TMC1: variants seen among roughly 807,000 people sequenced by gnomAD.
TMC1 encodes transmembrane channel like 1.
In TMC1, 84 loss-of-function variants were observed where a neutral mutation model predicts 105.8. The ratio of observed to expected loss-of-function variants is 0.79; its 90% CI spans 0.67 to 0.95. The LOEUF (loss-of-function observed/expected upper bound fraction) is 0.95, where lower values mean the gene tolerates loss of function less well. Ranked by LOEUF, TMC1 falls within the 40% of genes least tolerant of loss-of-function variation. The pLI is 0.00. For missense variants in TMC1, 817 were observed against 914.1 expected (o/e 0.89, Z 1.37); for synonymous variants, 315 against 311.5 (o/e 1.01, Z -0.12).
intron 8 of TMC1, among the ~76,000 whole-genome samples, chr9:72,708,746 T>TG (rs1316981714): frequency 7.9e-5 from 12 of 152,208 alleles, no homozygotes; most frequent in Admixed American, 7.2e-4. Context: ...CCAATCTGGA[T>TG]GCCCTTTATT....
At chr9:72,749,316 G>A (rs761009459) in intron 10 of TMC1, among the ~76,000 whole-genome samples, 2 of 152,136 alleles carry the variant, frequency 1.3e-5, no homozygotes, top group African/African-American at 2.4e-5. Context: ...TCTTACATGC[G>A]ATTCCAGGGA....
intron 12 of TMC1, among the ~76,000 whole-genome samples, chr9:72,770,906 A>C (rs1480082200): frequency 6.6e-6 from 1 of 152,144 alleles, no homozygotes; most frequent in Non-Finnish European, 1.5e-5. Context: ...TCCTCAGTGG[A>C]TTAAATGATG....
intron 8 of TMC1, among the ~76,000 whole-genome samples, chr9:72,726,279 A>G (rs191642389): frequency 6.6e-6 from 1 of 152,308 alleles, no homozygotes; most frequent in East Asian, 1.9e-4. Flanking sequence ...CTATATATTT[A>G]TATATGTGTG....
At chr9:72,609,943 G>A (rs1824996637) in intron 2 of TMC1, among the ~76,000 whole-genome samples, 1 of 151,884 alleles carries the variant, frequency 6.6e-6, no homozygotes. Flanking sequence ...TATGCTCTCT[G>A]GACTACCACT....
At chr9:72,833,087 G>A (rs1829067533) in intron 23 of TMC1, among the ~76,000 whole-genome samples, 1 of 151,972 alleles carries the variant, frequency 6.6e-6, no homozygotes, top group African/African-American at 2.4e-5. Context: ...AATTTTAATA[G>A]ATAATATTTA....
At chr9:72,664,985 C>G (rs1303930226) in intron 5 of TMC1, among the ~76,000 whole-genome samples, 1 of 152,152 alleles carries the variant, frequency 6.6e-6, no homozygotes, top group African/African-American at 2.4e-5. Flanking sequence ...GGCTCCTGCA[C>G]CTATCTGTCT....
At chr9:72,743,074 A>AT (rs1417030959) in intron 10 of TMC1, among the ~76,000 whole-genome samples, 1 of 152,120 alleles carries the variant, frequency 6.6e-6, no homozygotes, top group Non-Finnish European at 1.5e-5. Context: ...CGTCTCTACT[A>AT]AAAGTACAAA....
rs1444398504 is a variant in TMC1 at position 72,838,270 on chromosome 9, A to G, written c.*2297A>G. ...ATTAGATTATAATGCAGATGAGTAA[A>G]TAAAGCTAGTGTTTATTTCTACTTG... On this transcript the variant is annotated 3_prime_UTR_variant, in exon 24 of 24. Coordinates refer to ENST00000297784, the MANE Select transcript of TMC1 (RefSeq NM_138691.3). 1 of 152,230 alleles carries G rather than the reference A, an allele frequency of 6.6e-6. No individual in the cohort carries two copies. 9.4% of individuals were successfully genotyped at this position (152,230 alleles called of 1,614,324 possible).
chr9:72,623,158 T>C lies in TMC1; in HGVS notation c.-195-4763T>C, dbSNP rs7045861. Among the ~76,000 whole-genome samples, 366 of 131,878 alleles carry C rather than the reference T, an allele frequency of 2.8e-3. 3 individuals are homozygous for C. The highest frequency in any genetic ancestry group is 0.011 in the African/African-American group (350 of 33,046). The allele number at this position is 131,878 out of a possible 152,430, so 86.5% of individuals were successfully genotyped here. A position where few individuals can be genotyped will look rare whatever the true frequency, so the allele number is the denominator to read the frequency against. ...CTCTCTCTCTCCCTGTTTTTTTTTT[T>C]TTTCTTTTTTTTTTTTTTGTCTCAT... On this transcript the variant is annotated intron_variant, in intron 3 of 23. Coordinates refer to ENST00000297784, the MANE Select transcript of TMC1 (RefSeq NM_138691.3).
At chr9:72,743,604 G>A (rs1265014886) in intron 10 of TMC1, among the ~76,000 whole-genome samples, 1 of 146,748 alleles carries the variant, frequency 6.8e-6, no homozygotes, top group African/African-American at 2.5e-5. Flanking sequence ...GAAAAAAAAC[G>A]AAGTCTTAAA....
chr9:72,601,908 T>A (rs568164645), intron 2 of TMC1, among the ~76,000 whole-genome samples: 9 of 152,316 alleles, frequency 5.9e-5, no homozygotes, highest in Admixed American at 5.9e-4. Flanking sequence ...TTTTGGATTT[T>A]GAAATATTGG....
intron 12 of TMC1, among the ~76,000 whole-genome samples, chr9:72,770,349 T>A (rs1297332370): frequency 6.8e-6 from 1 of 147,728 alleles, no homozygotes; most frequent in African/African-American, 2.5e-5. Context: ...TATTTTGATT[T>A]ATCATTATTA....
intron 10 of TMC1, among the ~76,000 whole-genome samples, chr9:72,748,317 G>A (rs1381924514): frequency 6.6e-6 from 1 of 152,126 alleles, no homozygotes; most frequent in East Asian, 1.9e-4. Flanking sequence ...AATACATATA[G>A]ATCAAATTGG....
At chr9:72,663,148 T>G (rs543412824) in intron 5 of TMC1, among the ~76,000 whole-genome samples, 5 of 152,098 alleles carry the variant, frequency 3.3e-5, no homozygotes, top group Non-Finnish European at 5.9e-5. Flanking sequence ...GTGCTGCTGA[T>G]TGGTTGGAGA....
intron 1 of TMC1, among the ~76,000 whole-genome samples, chr9:72,526,303 G>A (rs1437252398): frequency 6.6e-6 from 1 of 152,058 alleles, no homozygotes; most frequent in African/African-American, 2.4e-5. Context: ...TTATCCAATG[G>A]CCTTGCTTTG....
At chr9:72,738,301 A>C (rs1827334285) in intron 8 of TMC1, among the ~76,000 whole-genome samples, 1 of 152,104 alleles carries the variant, frequency 6.6e-6, no homozygotes, top group Admixed American at 6.5e-5. Flanking sequence ...CCCACTCCCT[A>C]GTATTAGTTA....
At chr9:72,694,382 G>A (rs1373903826) in intron 6 of TMC1, 161 bp from the exon 7 acceptor site, 1 of 619,978 alleles carries the variant, frequency 1.6e-6, no homozygotes, top group African/African-American at 1.8e-5. Context: ...TAAATGATGG[G>A]CTATGAAATA....
chr9:72,721,430 G>A (rs1404785471), intron 8 of TMC1, among the ~76,000 whole-genome samples: 1 of 152,170 alleles, frequency 6.6e-6, no homozygotes. Flanking sequence ...CTTTGTATTA[G>A]CTGGGATTCT....
chr9:72,552,108 G>A (rs1323332494), intron 1 of TMC1, among the ~76,000 whole-genome samples: 1 of 152,108 alleles, frequency 6.6e-6, no homozygotes, highest in Non-Finnish European at 1.5e-5. Context: ...GTGACCTTGT[G>A]TCTTCTGCCA....
Sources: allele counts gnomAD v4.1 joint callset (sites outside exome capture counted in the v4.1 genomes callset), GRCh38; gene constraint gnomAD v4.1.1; transcripts MANE v1.5; gene names NCBI Gene and HGNC (gene_info 2026-07-23, HGNC 2026-07-21).